C3orf49: variants seen among roughly 807,000 people sequenced by gnomAD.
C3orf49 encodes the protein putative uncharacterized protein C3orf49.
A neutral mutation model predicts 13.3 loss-of-function variants in C3orf49; 27 were observed. The observed-to-expected ratio is 2.02, with a 90% confidence interval of 1.49 to 2.79. C3orf49 has a LOEUF of 2.79. Among genes scored for constraint, C3orf49 ranks in the 30% most tolerant of loss-of-function variants. The pLI, the probability that C3orf49 is intolerant of heterozygous loss-of-function variation, is 0.00. For missense variants in C3orf49, 242 were observed against 134.2 expected (o/e 1.80, Z -3.97); for synonymous variants, 87 against 47.6 (o/e 1.83, Z -3.40).
chr3:63,784,042 CCCTAGAAGCTCTGCAGCTAAGAA>C, the C3orf49 span, among the ~76,000 whole-genome samples: 2 of 152,042 alleles, frequency 1.3e-5, no homozygotes, highest in African/African-American at 4.8e-5. Flanking sequence ...TGCTCAGTGA[CCCTAGAAGCTCTGCAGCTAAGAA>C]GGAAATTAAG....
At position 63,820,129 on chromosome 3, in the gene C3orf49, ATATTT is replaced by A. The variant is rs1390712259; in HGVS notation, c.125+536_125+540del. 3.3e-5 allele frequency among the ~76,000 whole-genome samples: 5 copies of A among 152,270 alleles called. No individual in the cohort carries two copies. The East Asian group carries it at 9.6e-4, about 29-fold the overall frequency. Reference sequence around the variant, plus strand: ...AGGTATGAAACATCCAAAATATAATATATTTTAATTTGGAAAGTCAGTGTGGTGAT... The same window carrying A: ...AGGTATGAAACATCCAAAATATAATATAATTTGGAAAGTCAGTGTGGTGAT... On this transcript the variant is annotated intron_variant, in intron 1 of 6. Transcript: ENST00000295896.
Position 63,831,770 on chromosome 3 carries a change from G to C in C3orf49, c.775G>C (p.Asp259His). ...AELQQCEFLG[D>H]EILQSSKQFQ... ...GCTTCAACAGTGTGAGTTTCTGGGG[G>C]ATGAAATTCTTCAGTCTTCTAAACA... Residue 259 changes from aspartate to histidine, a missense_variant, in exon 5 of 7, where the codon GAT becomes CAT. By Grantham distance (81) the Asp-to-His change is moderately conservative. Transcript: ENST00000295896. 1 of 703,052 alleles carries C rather than the reference G, an allele frequency of 1.4e-6. No homozygotes were observed. The allele number at this position is 703,052 out of a possible 1,614,324, so 43.6% of individuals were successfully genotyped here.
the C3orf49 span, among the ~76,000 whole-genome samples, chr3:63,804,826 C>T: frequency 6.6e-6 from 1 of 152,108 alleles, no homozygotes; most frequent in South Asian, 2.1e-4. Context: ...GCAAGGAATT[C>T]CCTGTGTCTC....
In C3orf49 at chr3:63,819,314, G is replaced by C; in HGVS notation, c.-158G>C. ...CAAATAATGTCTCTAACACCTGGAA[G>C]GGAATAAGGGAAAGACTCTAAAAAT... is the stretch of plus-strand genomic sequence containing the variant. On this transcript the variant is annotated 5_prime_UTR_variant, in exon 1 of 7. Transcript: ENST00000295896. 1.7e-6 allele frequency: 1 copy of C among 574,728 alleles called. No individual in the cohort carries two copies. Among genetic ancestry groups the C allele is most frequent in the Non-Finnish European group, 3.1e-6 (1 of 321,682 alleles). The allele number at this position is 574,728 out of a possible 1,614,324, so 35.6% of individuals were successfully genotyped here.
chr3:63,789,311 T>C, the C3orf49 span, among the ~76,000 whole-genome samples: 1 of 152,206 alleles, frequency 6.6e-6, no homozygotes, highest in African/African-American at 2.4e-5. Flanking sequence ...GGAAAAATTG[T>C]CTTCCACAAA....
chr3:63,831,442 T>G (rs1701530761), intron 4 of C3orf49, among the ~76,000 whole-genome samples: 1 of 152,198 alleles, frequency 6.6e-6, no homozygotes, highest in African/African-American at 2.4e-5. Flanking sequence ...TGAATTCAGT[T>G]AAAATGAAGG....
the C3orf49 span, among the ~76,000 whole-genome samples, chr3:63,783,653 G>A: frequency 7.9e-5 from 12 of 151,850 alleles, no homozygotes; most frequent in Non-Finnish European, 5.9e-5. Context: ...AGGAGGTTGA[G>A]CTTGCAGTAG....
chr3:63,842,263 T>C (rs184651053), intron 5 of C3orf49, among the ~76,000 whole-genome samples: 2 of 152,236 alleles, frequency 1.3e-5, no homozygotes, highest in East Asian at 3.9e-4. Context: ...CACAGTGAGA[T>C]ACTAGCTCAC....
chr3:63,800,534 T>A, the C3orf49 span, among the ~76,000 whole-genome samples: 1 of 152,056 alleles, frequency 6.6e-6, no homozygotes, highest in Non-Finnish European at 1.5e-5. Context: ...TATAGACCAA[T>A]GAGATTTATA....
At chr3:63,847,351 A>G (rs1477541369) in intron 6 of C3orf49, among the ~76,000 whole-genome samples, 1 of 152,196 alleles carries the variant, frequency 6.6e-6, no homozygotes. Context: ...TGTTGTCCAC[A>G]GTTAATTGTT....
intron 2 of C3orf49, among the ~76,000 whole-genome samples, chr3:63,824,610 G>A (rs1330923379): frequency 2.6e-5 from 4 of 152,088 alleles, no homozygotes; most frequent in South Asian, 4.1e-4. Flanking sequence ...AGGCCAAAGC[G>A]GTTGGATCAC....
At chr3:63,818,734 T>C (rs1424471472), upstream of C3orf49, among the ~76,000 whole-genome samples, 2 of 152,196 alleles carry the variant, frequency 1.3e-5, no homozygotes, top group Non-Finnish European at 2.9e-5. Flanking sequence ...GCTGCCACCT[T>C]GTGGTGAGAA....
At chr3:63,815,141 C>T (rs1701309735), upstream of C3orf49, among the ~76,000 whole-genome samples, 1 of 152,192 alleles carries the variant, frequency 6.6e-6, no homozygotes, top group Non-Finnish European at 1.5e-5. Context: ...GAAACTGCCC[C>T]ATGATCCAAT....
intron 3 of C3orf49, among the ~76,000 whole-genome samples, chr3:63,829,033 G>A (rs911393667): frequency 1.3e-5 from 2 of 152,236 alleles, no homozygotes; most frequent in African/African-American, 4.8e-5. Context: ...ATCGCACCTA[G>A]TTAGTGGCTG....
intron 1 of C3orf49, 108 bp downstream of exon 1, chr3:63,819,704 G>A: frequency 3.0e-6 from 2 of 656,842 alleles, no homozygotes; most frequent in Non-Finnish European, 5.5e-6. Flanking sequence ...GGATGGATTG[G>A]CGGGGAGGGT....
rs1437720716 is a variant in C3orf49, at chr3:63,831,726, T to C, written c.731T>C (p.Leu244Pro). 2.8e-6 allele frequency: 2 copies of C among 703,172 alleles called. No homozygotes were observed. Among genetic ancestry groups the C allele is most frequent in the Non-Finnish European group, 2.6e-6 (1 of 385,034 alleles). The allele number at this position is 703,172 out of a possible 1,614,324, so 43.6% of individuals were successfully genotyped here. Residue 244 changes from leucine to proline, a missense_variant, in exon 5 of 7, where the codon CTG becomes CCG. Transcript: ENST00000295896. Reference protein sequence around the residue: ...ETVTDKSMKLLAQRHAELQQC... With the variant: ...ETVTDKSMKLPAQRHAELQQC... ...GTGACTGATAAATCCATGAAGCTAC[T>C]GGCCCAAAGACATGCTGAGCTTCAA...
the C3orf49 span, chr3:63,779,979 T>A: frequency 6.6e-6 from 1 of 152,064 alleles, no homozygotes; most frequent in East Asian, 1.9e-4. Context: ...CTGAGTTGAG[T>A]TTTGTTTGTT....
chr3:63,784,086 T>C, the C3orf49 span, among the ~76,000 whole-genome samples: 10 of 152,184 alleles, frequency 6.6e-5, no homozygotes, highest in Non-Finnish European at 1.5e-4. Flanking sequence ...GAATAGTTAC[T>C]CTCTGTAAAA....
chr3:63,801,938 C>T, the C3orf49 span, among the ~76,000 whole-genome samples: 4 of 152,178 alleles, frequency 2.6e-5, no homozygotes, highest in Admixed American at 6.5e-5. Context: ...GCTTCCCATT[C>T]GTTTTCAACA....
Sources: allele counts gnomAD v4.1 joint callset (sites outside exome capture counted in the v4.1 genomes callset), GRCh38; gene constraint gnomAD v4.1.1; transcripts MANE v1.5; gene names NCBI Gene and HGNC (gene_info 2026-07-23, HGNC 2026-07-21).